Variants in SLC25A36 observed in about 807,000 individuals in gnomAD.
SLC25A36 encodes solute carrier family 25 member 36, also known as epididymis secretory sperm binding protein.
A neutral mutation model predicts 35.3 loss-of-function variants in SLC25A36; 24 were observed. The ratio of observed to expected loss-of-function variants is 0.68; its 90% CI spans 0.49 to 0.96. The LOEUF (loss-of-function observed/expected upper bound fraction) is 0.96. Among genes scored for constraint, SLC25A36 ranks in the 40% least tolerant of loss-of-function variants. SLC25A36 has a pLI of 0.00. For synonymous variants in SLC25A36, 141 were observed against 132.2 expected, an observed-to-expected ratio of 1.07 and a Z score of -0.46; for missense variants, 294 against 381.1, an observed-to-expected ratio of 0.77 and a Z score of 1.90.
chr3:140,943,197 T>G (rs538968961), intron 1 of SLC25A36, among the ~76,000 whole-genome samples: 1 of 152,254 alleles, frequency 6.6e-6, no homozygotes, highest in African/African-American at 2.4e-5. Context: ...ATGCTGAGAC[T>G]CTTACCGGCA....
intron 6 of SLC25A36, 48 bp from the exon 7 acceptor site, chr3:140,976,212 G>A (rs1240197981): frequency 2.5e-6 from 3 of 1,216,284 alleles, no homozygotes; most frequent in Admixed American, 4.2e-5. Context: ...ATAATTAGAA[G>A]AGTGTAAAGA....
Position 140,976,737 on chromosome 3 carries a change from G to T in SLC25A36, c.*284G>T. On this transcript the variant is annotated 3_prime_UTR_variant, in exon 7 of 7. Coordinates refer to ENST00000324194, the MANE Select transcript of SLC25A36 (RefSeq NM_001104647.3). The stretch of plus-strand genomic sequence containing the variant: ...TACCATGTCCCCCAGACACAGTTGG[G>T]TTTTGTTGATTTATGGCAGTCTTCT... The T allele has an allele frequency of 8.0e-6, 2 of 250,692 alleles. No individual in the cohort carries two copies. Among genetic ancestry groups the T allele is most frequent in the Non-Finnish European group, 1.5e-5 (2 of 131,612 alleles). 15.5% of individuals were successfully genotyped at this position (250,692 alleles called of 1,614,324 possible). A position where few individuals can be genotyped will look rare whatever the true frequency, so the allele number is the denominator to read the frequency against.
Position 140,979,871 on chromosome 3 carries a change from A to G in SLC25A36, c.*3418A>G, listed in dbSNP as rs1935145090. On this transcript the variant is annotated 3_prime_UTR_variant, in exon 7 of 7. Transcript: ENST00000324194. ...TGTAAATTATGTGCATTTACTCTGT[A>G]TTTATGTTATCTAGCTGACTTTTAC... 1 of 152,180 alleles carries G rather than the reference A, an allele frequency of 6.6e-6. No homozygotes were observed. The highest frequency in any genetic ancestry group is 2.4e-5 in the African/African-American group (1 of 41,444). The allele number at this position is 152,180 out of a possible 1,614,324, so 9.4% of individuals were successfully genotyped here. A position where few individuals can be genotyped will look rare whatever the true frequency, so the allele number is the denominator to read the frequency against.
At chr3:140,947,003 C>G (rs1424281600) in intron 1 of SLC25A36, among the ~76,000 whole-genome samples, 3 of 151,952 alleles carry the variant, frequency 2.0e-5, no homozygotes, top group Non-Finnish European at 2.9e-5. Context: ...TAAAAGAGAT[C>G]AAGAGAAGAG....
At position 140,980,272 on chromosome 3, in the gene SLC25A36, G is replaced by C. The variant is rs1481175920; in HGVS notation, c.*3819G>C. Among the ~76,000 whole-genome samples, 1 of 152,170 alleles carries C rather than the reference G, an allele frequency of 6.6e-6. No homozygotes were observed. Among genetic ancestry groups the C allele is most frequent in the Non-Finnish European group, 1.5e-5 (1 of 68,020 alleles). On this transcript the variant is annotated 3_prime_UTR_variant, in exon 7 of 7. Transcript: ENST00000324194. ...ATTAAAAATACAGAGGTGAGAACTT[G>C]TTAGAATAACCAAATGAATCCACAT...
intron 5 of SLC25A36, 94 bp from the exon 6 acceptor site, chr3:140,973,619 AAAG>A: frequency 3.3e-6 from 3 of 901,280 alleles, no homozygotes; most frequent in South Asian, 4.3e-5. Context: ...TTCATGAGTT[AAAG>A]AAGGCCATTC....
In SLC25A36 at chr3:140,976,384, G is replaced by A; in HGVS notation, c.867G>A (p.Val289=). 3 of 1,613,890 alleles carry A rather than the reference G, an allele frequency of 1.9e-6. No homozygotes were observed. Among genetic ancestry groups the A allele is most frequent in the Non-Finnish European group, 2.5e-6 (3 of 1,179,906 alleles). Residue 289 remains valine, a synonymous_variant, in exon 7 of 7, where the codon GTG becomes GTA. Transcript: ENST00000324194. ...SLYRGLTTHL[V]RQIPNTAIMM... is the part of the protein sequence containing the mutation. Reference sequence around the variant, plus strand: ...ATCGTGGTCTGACAACTCATCTAGTGAGACAGATTCCAAACACAGCCATTA... The same window carrying A: ...ATCGTGGTCTGACAACTCATCTAGTAAGACAGATTCCAAACACAGCCATTA...
rs148401477 is a variant in SLC25A36 at position 140,948,755 on chromosome 3, T to C, written c.41+6660T>C. ...TCAAGAGGTTAATATTGAGGACATA[T>C]ATCTAACAGTGCCTTGGATTTTTTC... is the stretch of plus-strand genomic sequence containing the variant. On this transcript the variant is annotated intron_variant, in intron 1 of 6. Coordinates refer to ENST00000324194, the MANE Select transcript of SLC25A36 (RefSeq NM_001104647.3). Among the ~76,000 whole-genome samples, 6 of 152,318 alleles carry C rather than the reference T, an allele frequency of 3.9e-5. No homozygotes were observed. In the East Asian group the frequency reaches 9.6e-4, roughly 24 times the overall value.
intron 6 of SLC25A36, among the ~76,000 whole-genome samples, 181 bp downstream of exon 6, chr3:140,974,186 C>G (rs1277042000): frequency 6.6e-6 from 1 of 152,112 alleles, no homozygotes; most frequent in East Asian, 1.9e-4. Flanking sequence ...ATTATGCTAT[C>G]AAATAGCATG....
In SLC25A36 at chr3:140,968,773, TAA is replaced by T. The variant is rs368666433; in HGVS notation, c.386-2142_386-2141del. ...TGTTTTTAGAAGTAGAACTTTTATT[TAA>T]AAAAAAAAAAACTTAGGTGCTCATC... is the stretch of plus-strand genomic sequence containing the variant. On this transcript the variant is annotated intron_variant, in intron 4 of 6. Transcript: ENST00000324194. 1.7e-4 allele frequency: 123 copies of T among 719,764 alleles called. No homozygotes were observed. The Middle Eastern group carries it at 2.9e-3, about 17-fold the overall frequency. 44.6% of individuals were successfully genotyped at this position (719,764 alleles called of 1,614,324 possible).
At chr3:140,946,975 A>G (rs893156398) in intron 1 of SLC25A36, among the ~76,000 whole-genome samples, 2 of 152,154 alleles carry the variant, frequency 1.3e-5, no homozygotes, top group Non-Finnish European at 2.9e-5. Flanking sequence ...CGAGCTACCT[A>G]CCCTCTGGGG....
intron 4 of SLC25A36, chr3:140,968,039 A>G: frequency 1.0e-6 from 1 of 984,894 alleles, no homozygotes; most frequent in Non-Finnish European, 1.2e-6. Flanking sequence ...TGTGTTTGTC[A>G]TATAAGTAGT....
At chr3:140,962,762 A>C (rs1006871612) in intron 3 of SLC25A36, among the ~76,000 whole-genome samples, 6 of 151,710 alleles carry the variant, frequency 4.0e-5, no homozygotes, top group Non-Finnish European at 7.4e-5. Flanking sequence ...AAACATTAAA[A>C]TCTTAAATAC....
At chr3:140,974,101 A>C (rs2107818106) in intron 6 of SLC25A36, 96 bp downstream of exon 6, 1 of 809,416 alleles carries the variant, frequency 1.2e-6, no homozygotes, top group Non-Finnish European at 1.9e-6. Flanking sequence ...TTCTGGTATA[A>C]CAAAATACAA....
chr3:140,956,733 G>A (rs760382074), intron 2 of SLC25A36, 42 bp downstream of exon 2: 109 of 1,529,162 alleles, frequency 7.1e-5, no homozygotes, highest in South Asian at 1.7e-4. Context: ...GTTTGTTTGC[G>A]TTAGTGAGTT....
At chr3:140,967,099 T>G (rs887434474) in intron 4 of SLC25A36, 3 of 453,014 alleles carry the variant, frequency 6.6e-6, no homozygotes, top group African/African-American at 4.0e-5. Context: ...TGGGATTTTA[T>G]GATAGCTGTG....
Position 140,975,097 on chromosome 3 carries a change from CTTTTTTTTTTTTT to C in SLC25A36, c.742+1110_742+1122del, listed in dbSNP as rs10662120. Reference sequence around the variant, plus strand: ...GTACAGTTGATAAACAAGATACATTCTTTTTTTTTTTTTTTTTTTTTTTTTTTTTTGATAGGAT... The same window carrying C: ...GTACAGTTGATAAACAAGATACATTCTTTTTTTTTTTTTTTTTGATAGGAT... On this transcript the variant is annotated intron_variant, in intron 6 of 6. Coordinates refer to ENST00000324194, the MANE Select transcript of SLC25A36 (RefSeq NM_001104647.3). Among the ~76,000 whole-genome samples the C allele has an allele frequency of 5.4e-4, 30 of 55,222 alleles. 1 individual carries two copies. The highest frequency in any genetic ancestry group is 0.017 in the Middle Eastern group (1 of 58). The allele number at this position is 55,222 out of a possible 152,430, so 36.2% of individuals were successfully genotyped here.
chr3:140,956,261 A>G (rs1409705276), intron 1 of SLC25A36, among the ~76,000 whole-genome samples: 1 of 152,206 alleles, frequency 6.6e-6, no homozygotes, highest in African/African-American at 2.4e-5. Flanking sequence ...GTACAATTTT[A>G]GTAACAGCAC....
At chr3:140,942,698 G>C (rs1356140311) in intron 1 of SLC25A36, 1 of 152,276 alleles carries the variant, frequency 6.6e-6, no homozygotes, top group Non-Finnish European at 1.5e-5. Context: ...CTCGGACCTC[G>C]GGCCGCTCAT....
Sources: gnomAD v4.1 joint callset for allele counts (sites outside exome capture counted in the v4.1 genomes callset) on GRCh38, gnomAD v4.1.1 for gene constraint, MANE v1.5 for transcripts, NCBI Gene and HGNC (gene_info 2026-07-23, HGNC 2026-07-21) for gene names.